Variants in PCDHGB4 observed in about 807,000 individuals in gnomAD.
PCDHGB4 encodes the protein protocadherin gamma subfamily B, 4.
PCDHGB4 carries 38 observed loss-of-function variants against 60.5 expected under a neutral mutation model. That is an observed-to-expected ratio of 0.63 (90% CI 0.48 to 0.82). The LOEUF is 0.82. PCDHGB4 is among the 40% of genes least tolerant of loss of function. PCDHGB4 has a pLI of 0.00. For missense variants in PCDHGB4, 1,109 were observed against 1,209.6 expected, an observed-to-expected ratio of 0.92 and a Z score of 1.23; for synonymous variants, 456 against 509.7, an observed-to-expected ratio of 0.89 and a Z score of 1.42.
At chr5:141,409,047 G>T in intron 1 of PCDHGB4, 2 of 1,613,982 alleles carry the variant, frequency 1.2e-6, no homozygotes, top group Admixed American at 1.7e-5. Flanking sequence ...TACTACTTCC[G>T]AAGCACTGCC....
At chr5:141,419,620 G>C in intron 1 of PCDHGB4, 1 of 1,612,304 alleles carries the variant, frequency 6.2e-7, no homozygotes, top group Non-Finnish European at 8.5e-7. Context: ...CAGGCTACCT[G>C]GTGACCAAGG....
chr5:141,459,139 A>G (rs1592605909), intron 1 of PCDHGB4, among the ~76,000 whole-genome samples: 1 of 152,360 alleles, frequency 6.6e-6, no homozygotes, highest in Non-Finnish European at 1.5e-5. Flanking sequence ...ACCACCATGC[A>G]ATCAAAATAT....
At chr5:141,435,575 C>T (rs1054936213) in intron 1 of PCDHGB4, among the ~76,000 whole-genome samples, 2 of 152,088 alleles carry the variant, frequency 1.3e-5, no homozygotes, top group South Asian at 2.1e-4. Context: ...AGTACTGGGG[C>T]AAATTTGCAG....
intron 1 of PCDHGB4, among the ~76,000 whole-genome samples, chr5:141,401,503 C>T (rs755118621): frequency 6.6e-6 from 1 of 151,946 alleles, no homozygotes; most frequent in Non-Finnish European, 1.5e-5. Context: ...AATCCTTTTC[C>T]ACCTCTATAT....
chr5:141,474,289 T>C (rs11956411), intron 1 of PCDHGB4, among the ~76,000 whole-genome samples: 31,178 of 152,120 alleles, frequency 0.2, 3,304 homozygotes, highest in Admixed American at 0.31. Context: ...ACCCACTAGA[T>C]CAGTGCTTGT....
At chr5:141,498,089 A>G (rs1402239680) in intron 2 of PCDHGB4, among the ~76,000 whole-genome samples, 3 of 152,370 alleles carry the variant, frequency 2.0e-5, no homozygotes, top group South Asian at 2.1e-4. Context: ...GTAGAATTGT[A>G]TCTGGTGGTG....
rs2099883762 is a variant in PCDHGB4, at chr5:141,511,396, C to T, written c.*223C>T. 9.8e-7 allele frequency: 1 copy of T among 1,016,834 alleles called. No homozygotes were observed. Among genetic ancestry groups the T allele is most frequent in the South Asian group, 1.7e-5 (1 of 58,996 alleles). The allele number at this position is 1,016,834 out of a possible 1,614,324, so 63.0% of individuals were successfully genotyped here. ...AAGCAGTTCCGCTGGGAACCCCCAT[C>T]CAATCAACTGCTGTACCCATGGGGG... On this transcript the variant is annotated 3_prime_UTR_variant, in exon 4 of 4. Coordinates refer to ENST00000519479, the MANE Select transcript of PCDHGB4 (RefSeq NM_003736.4).
chr5:141,422,310 T>A, intron 1 of PCDHGB4: 1 of 1,546,532 alleles, frequency 6.5e-7, no homozygotes, highest in Non-Finnish European at 8.7e-7. Flanking sequence ...TGGAAAACTC[T>A]CCTCCAGGTA....
Position 141,476,021 on chromosome 5 carries a change from C to T in PCDHGB4, c.2398-18786C>T. The T allele has an allele frequency of 7.1e-7, 1 of 1,400,498 alleles. No individual in the cohort carries two copies. The highest frequency in any genetic ancestry group is 1.4e-5 in the South Asian group (1 of 71,458). 86.8% of individuals were successfully genotyped at this position (1,400,498 alleles called of 1,614,324 possible). A position where few individuals can be genotyped will look rare whatever the true frequency, so the allele number is the denominator to read the frequency against. ...GGCATCCAGAAAGCCATGTCGGACT[C>T]GGCGCCCAGCGCCCAAGCGCTAACC... On this transcript the variant is annotated intron_variant, in intron 1 of 3. Coordinates refer to ENST00000519479, the MANE Select transcript of PCDHGB4 (RefSeq NM_003736.4). This position sits in a 1 kb window ranked among gnomAD's most constrained non-coding sequence, Gnocchi z 7.6.
At position 141,485,321 on chromosome 5, in the gene PCDHGB4, C is replaced by G. The variant is rs780179631; in HGVS notation, c.2398-9486C>G. The G allele has an allele frequency of 6.2e-7, 1 of 1,614,154 alleles. No homozygotes were observed. Among genetic ancestry groups the G allele is most frequent in the Non-Finnish European group, 8.5e-7 (1 of 1,180,024 alleles). On this transcript the variant is annotated intron_variant, in intron 1 of 3. Transcript: ENST00000519479. This position sits in a 1 kb window ranked among gnomAD's most constrained non-coding sequence, Gnocchi z 5.7. The stretch of plus-strand genomic sequence containing the variant: ...AGGGACTTTTGTAGGGAATGTCGCT[C>G]AAGATTTCCTGCTGGATACGGACAG...
At chr5:141,500,190 TTA>T (rs551092091) in intron 2 of PCDHGB4, among the ~76,000 whole-genome samples, 3 of 110,960 alleles carry the variant, frequency 2.7e-5, no homozygotes, top group Non-Finnish European at 3.9e-5. Context: ...TTATTTTTAT[TTA>T]TTTATTTATT....
rs370127569 is a variant in PCDHGB4 at position 141,422,859 on chromosome 5, C to T, written c.2397+32578C>T. 1.4e-5 allele frequency: 22 copies of T among 1,614,148 alleles called. No homozygotes were observed. In the African/African-American group the frequency reaches 2.5e-4, roughly 19 times the overall value. ...GTGACAGCGGGGACCCGCCCCTCAG[C>T]AGCAACGTGTCGCTGAGCCTGTTCG... On this transcript the variant is annotated intron_variant, in intron 1 of 3. Transcript: ENST00000519479.
In PCDHGB4 at chr5:141,389,567, G is replaced by A; in HGVS notation, c.1683G>A (p.Leu561=). 6.2e-7 allele frequency: 1 copy of A among 1,613,250 alleles called. No individual in the cohort carries two copies. Among genetic ancestry groups the A allele is most frequent in the South Asian group, 1.1e-5 (1 of 91,078 alleles). ...GCAACGACAATGCGCCACGGGTGCT[G>A]TACCCCGCGCTGGGTCCCGACGGCT... ...DDRNDNAPRV[L]YPALGPDGSA... Residue 561 remains leucine (L), a synonymous_variant, in exon 1 of 4, where the codon CTG becomes CTA. Transcript: ENST00000519479.
chr5:141,432,271 C>T lies in PCDHGB4; in HGVS notation c.2397+41990C>T. On this transcript the variant is annotated intron_variant, in intron 1 of 3. Transcript: ENST00000519479. The surrounding 1 kb of genome is among the most constrained non-coding windows in gnomAD (Gnocchi z 6.0). ...TCCAAGGGGCAAGCCTATCGTCCTA[C>T]GTGTCCATCAACTCCGACACTGGGG... is the stretch of plus-strand genomic sequence containing the variant. The T allele has an allele frequency of 6.2e-7, 1 of 1,614,264 alleles. No individual in the cohort carries two copies. Among genetic ancestry groups the T allele is most frequent in the Non-Finnish European group, 8.5e-7 (1 of 1,180,050 alleles).
intron 1 of PCDHGB4, among the ~76,000 whole-genome samples, chr5:141,448,604 A>G (rs954578256): frequency 1.3e-5 from 2 of 152,118 alleles, no homozygotes; most frequent in Non-Finnish European, 2.9e-5. Flanking sequence ...AATACTATAC[A>G]CCACTTTATA....
chr5:141,399,092 G>C (rs573118488), intron 1 of PCDHGB4: 1 of 1,613,810 alleles, frequency 6.2e-7, no homozygotes, highest in East Asian at 2.2e-5. Context: ...GATGGTGGTG[G>C]ACTGGTTGCA....
intron 1 of PCDHGB4, chr5:141,441,746 C>T: frequency 2.7e-6 from 1 of 371,314 alleles, no homozygotes; most frequent in East Asian, 9.8e-5. Flanking sequence ...TCGCGCTCGG[C>T]GTCAACGTGA....
chr5:141,408,315 C>T lies in PCDHGB4; in HGVS notation c.2397+18034C>T, dbSNP rs757628906. The stretch of plus-strand genomic sequence containing the variant: ...AGTGAGCCGATCCGCTACTCGATTC[C>T]GGAGGAGCTGGCCAAGGGCTCGGTG... On this transcript the variant is annotated intron_variant, in intron 1 of 3. Coordinates refer to ENST00000519479, the MANE Select transcript of PCDHGB4 (RefSeq NM_003736.4). The T allele has an allele frequency of 5.6e-6, 9 of 1,613,712 alleles. No homozygotes were observed. The highest frequency in any genetic ancestry group is 6.8e-6 in the Non-Finnish European group (8 of 1,179,748).
At position 141,432,778 on chromosome 5, in the gene PCDHGB4, G is replaced by T; in HGVS notation, c.2397+42497G>T. The T allele has an allele frequency of 3.7e-6, 6 of 1,614,166 alleles. No individual in the cohort carries two copies. Among genetic ancestry groups the T allele is most frequent in the Non-Finnish European group, 5.1e-6 (6 of 1,180,002 alleles). ...CCGACAGCATCCCCCAAGTCCTGGCGGACCTCGGCAGCCTCGAGTCTCCAG... is the reference window on the plus strand; with the variant it reads ...CCGACAGCATCCCCCAAGTCCTGGCTGACCTCGGCAGCCTCGAGTCTCCAG... On this transcript the variant is annotated intron_variant, in intron 1 of 3. Transcript: ENST00000519479. The surrounding 1 kb of genome is among the most constrained non-coding windows in gnomAD (Gnocchi z 6.0).
Sources: allele counts gnomAD v4.1 joint callset (sites outside exome capture counted in the v4.1 genomes callset), GRCh38; gene constraint gnomAD v4.1.1; non-coding constraint Gnocchi (gnomAD v3.1); transcripts MANE v1.5; gene names NCBI Gene and HGNC (gene_info 2026-07-23, HGNC 2026-07-21).